Variants in PCDH15 observed in about 807,000 individuals in gnomAD.
PCDH15 encodes the protein protocadherin-15.
Under a neutral mutation model 178.5 loss-of-function variants are expected in PCDH15, and 129 were observed. That is an observed-to-expected ratio of 0.72 (90% CI 0.63 to 0.84). The LOEUF is 0.84. Ranked by LOEUF, PCDH15 falls within the 40% of genes least tolerant of loss-of-function variation. The pLI, the probability that PCDH15 is intolerant of heterozygous loss-of-function variation, is 0.00. For missense variants in PCDH15, 2,230 were observed against 2,099.9 expected, an observed-to-expected ratio of 1.06 and a Z score of -1.21; for synonymous variants, 800 against 732.0, an observed-to-expected ratio of 1.09 and a Z score of -1.50.
rs760709213 is a variant in PCDH15, at chr10:54,369,197, C to T, written c.397G>A (p.Val133Met). 3 of 1,612,922 alleles carry T rather than the reference C, an allele frequency of 1.9e-6. No individual in the cohort carries two copies. The highest frequency in any genetic ancestry group is 2.2e-5 in the South Asian group (2 of 91,062). ...TTCCTGTCTCTCACCACTATTCGCA[C>T]TTCATGGTAGATAATAGTGCCCACT... ...KKVGTIIYHE[V>M]RIVVRDRNDN... The change falls in exon 5 of 38, where the codon GTG becomes ATG. Residue 133 changes from valine to methionine, a missense_variant. Coordinates refer to ENST00000644397, the MANE Select transcript of PCDH15 (RefSeq NM_001384140.1).
intron 2 of PCDH15, among the ~76,000 whole-genome samples, chr10:55,090,881 C>T (rs1315019208): frequency 6.7e-6 from 1 of 150,084 alleles, no homozygotes; most frequent in Non-Finnish European, 1.5e-5. Flanking sequence ...ATTCTAAAGA[C>T]ATCATTTTAA....
intron 1 of PCDH15, among the ~76,000 whole-genome samples, chr10:55,197,593 A>T (rs1310269767): frequency 6.6e-6 from 1 of 152,088 alleles, no homozygotes; most frequent in Non-Finnish European, 1.5e-5. Context: ...TCACCAAACA[A>T]AATGTTCATA....
In PCDH15 at chr10:54,336,418, C is replaced by T. The variant is rs138297567; in HGVS notation, c.595-6712G>A. 4.3e-3 allele frequency among the ~76,000 whole-genome samples: 654 copies of T among 152,214 alleles called. 8 individuals carry two copies. The highest frequency in any genetic ancestry group is 0.014 in the African/African-American group (599 of 41,530). ...GGCCAGGAGCCCTAGGAGAAAAAAG[C>T]GGTTTCATGGGCCAGGTCCTGGACC... On this transcript the variant is annotated intron_variant, in intron 6 of 37. Transcript: ENST00000644397.
chr10:55,148,963 G>A (rs1050460381), intron 2 of PCDH15, among the ~76,000 whole-genome samples: 5 of 150,952 alleles, frequency 3.3e-5, no homozygotes, highest in African/African-American at 1.2e-4. Context: ...CACTAAAGAG[G>A]AATAAAACTT....
chr10:55,616,385 C>T (rs1258102014), intron 2 of PCDH15, among the ~76,000 whole-genome samples: 2 of 152,048 alleles, frequency 1.3e-5, no homozygotes, highest in African/African-American at 4.8e-5. Flanking sequence ...AAAAAGTAGT[C>T]TGTTTTATTT....
At chr10:54,527,635 C>T (rs915548615) in intron 3 of PCDH15, among the ~76,000 whole-genome samples, 177 bp downstream of exon 3, 12 of 151,860 alleles carry the variant, frequency 7.9e-5, no homozygotes, top group Non-Finnish European at 1.5e-5. Flanking sequence ...TAAATTATTC[C>T]AAGTAAAGCA....
intron 3 of PCDH15, among the ~76,000 whole-genome samples, chr10:54,413,476 T>G (rs11004284): frequency 0.47 from 71,540 of 151,848 alleles, 17,566 homozygotes; most frequent in Non-Finnish European, 0.53. Context: ...CACTACTATT[T>G]CAAAACCTTA....
At position 54,624,602 on chromosome 10, in the gene PCDH15, G is replaced by A. The variant is rs1048037430; in HGVS notation, c.91+39570C>T. Among the ~76,000 whole-genome samples, 4 of 152,210 alleles carry A rather than the reference G, an allele frequency of 2.6e-5. No individual in the cohort carries two copies. In the South Asian group the frequency reaches 8.3e-4, roughly 32 times the overall value. ...TTCCCAATCCCTGGGCCATGGACCA[G>A]TATGGGTCTGTGGCCCGTTAGGAAC... On this transcript the variant is annotated intron_variant, in intron 2 of 37. Coordinates refer to ENST00000644397, the MANE Select transcript of PCDH15 (RefSeq NM_001384140.1).
intron 3 of PCDH15, among the ~76,000 whole-genome samples, chr10:54,843,749 T>G (rs1953458002): frequency 6.6e-6 from 1 of 151,878 alleles, no homozygotes; most frequent in Admixed American, 6.6e-5. Context: ...GTAAATAAAG[T>G]TAAAAAGTAG....
rs775622546 is a variant in PCDH15 at position 54,333,047 on chromosome 10, G to A, written c.595-3341C>T. 5.3e-5 allele frequency among the ~76,000 whole-genome samples: 8 copies of A among 152,036 alleles called. No homozygotes were observed. The East Asian group carries it at 5.8e-4, about 11-fold the overall frequency. On this transcript the variant is annotated intron_variant, in intron 6 of 37. Coordinates refer to ENST00000644397, the MANE Select transcript of PCDH15 (RefSeq NM_001384140.1). ...CAACCTCTGCCTCCTGGGTTCAAGC[G>A]ATTCTCCTGCCTCAGCCTCTGAGTA...
intron 35 of PCDH15, among the ~76,000 whole-genome samples, chr10:53,814,535 T>TTCAA (rs1374605553): frequency 2.6e-5 from 4 of 152,134 alleles, no homozygotes; most frequent in Non-Finnish European, 4.4e-5. Flanking sequence ...TAGCCCTTGA[T>TTCAA]TCAATCAGTC....
intron 3 of PCDH15, among the ~76,000 whole-genome samples, chr10:54,403,267 T>C (rs568371741): frequency 5.3e-4 from 81 of 152,016 alleles, no homozygotes; most frequent in Non-Finnish European, 9.7e-4. Context: ...AATTGGAATC[T>C]TGTAGATGTT....
chr10:54,592,156 G>T (rs2133947821), intron 2 of PCDH15, among the ~76,000 whole-genome samples: 1 of 152,258 alleles, frequency 6.6e-6, no homozygotes, highest in East Asian at 1.9e-4. Flanking sequence ...GATAATGAAT[G>T]TCAAAAGTGA....
At chr10:54,327,691 A>C (rs955919146) in intron 7 of PCDH15, among the ~76,000 whole-genome samples, 1 of 151,918 alleles carries the variant, frequency 6.6e-6, no homozygotes, top group East Asian at 1.9e-4. Flanking sequence ...ACTTCTTCAG[A>C]ACAGCTAATT....
chr10:53,992,059 CACTT>C (rs2091536653), intron 21 of PCDH15, among the ~76,000 whole-genome samples: 1 of 151,846 alleles, frequency 6.6e-6, no homozygotes, highest in Admixed American at 6.6e-5. Context: ...TGAGCTGTAA[CACTT>C]GCTGCGAAGG....
intron 3 of PCDH15, among the ~76,000 whole-genome samples, chr10:54,807,963 T>C (rs973102784): frequency 1.4e-4 from 21 of 151,688 alleles, no homozygotes; most frequent in Non-Finnish European, 2.9e-5. Context: ...TATTTCTAAT[T>C]ACAACATTAA....
intron 4 of PCDH15, 152 bp downstream of exon 4, chr10:54,378,630 T>C: frequency 1.2e-6 from 1 of 840,038 alleles, no homozygotes; most frequent in Non-Finnish European, 1.8e-6. Context: ...TCCTTTCTCA[T>C]TCTTCTTTAA....
chr10:54,284,797 G>A (rs2058931673), intron 8 of PCDH15, among the ~76,000 whole-genome samples: 1 of 152,100 alleles, frequency 6.6e-6, no homozygotes, highest in African/African-American at 2.4e-5. Context: ...CATTATCTAA[G>A]ACCCTTTTGC....
intron 2 of PCDH15, among the ~76,000 whole-genome samples, chr10:54,590,870 A>C (rs1042963975): frequency 2.6e-5 from 4 of 152,186 alleles, no homozygotes; most frequent in African/African-American, 9.7e-5. Flanking sequence ...ACAAAAAAAA[A>C]CCGAGACACA....
Sources: gnomAD v4.1 joint callset for allele counts (sites outside exome capture counted in the v4.1 genomes callset) on GRCh38, gnomAD v4.1.1 for gene constraint, MANE v1.5 for transcripts, NCBI Gene and HGNC (gene_info 2026-07-23, HGNC 2026-07-21) for gene names.